VPS8: variants seen among roughly 807,000 people sequenced by gnomAD.
The protein encoded by VPS8 is VPS8 subunit of CORVET complex, also known as vacuolar protein sorting-associated protein 8 homolog.
VPS8 carries 129 observed loss-of-function variants against 216.4 expected under a neutral mutation model. That is an observed-to-expected ratio of 0.60 (90% CI 0.52 to 0.69). The LOEUF (loss-of-function observed/expected upper bound fraction) is 0.69, where lower values mean the gene tolerates loss of function less well. Ranked by LOEUF, VPS8 falls within the 30% of genes least tolerant of loss-of-function variation. The pLI, the probability that VPS8 is intolerant of heterozygous loss-of-function variation, is 0.00. For missense variants in VPS8, 1,531 were observed against 1,683.5 expected, an observed-to-expected ratio of 0.91 and a Z score of 1.59; for synonymous variants, 571 against 565.4, an observed-to-expected ratio of 1.01 and a Z score of -0.14.
At chr3:184,866,846 A>T (rs1204324179) in intron 16 of VPS8, 30 bp from the exon 17 acceptor site, 1 of 1,590,126 alleles carries the variant, frequency 6.3e-7, no homozygotes, top group Non-Finnish European at 8.5e-7. Flanking sequence ...GAATTTTTTT[A>T]CCTTTTTTGT....
Position 184,940,251 on chromosome 3 carries a change from G to A in VPS8, c.3035+8G>A. Reference sequence around the variant, plus strand: ...GAGTCTTCTTGACCCAAGGTATGTTGACAAACTTTAGTCTTTCATTATATA... The same window carrying A: ...GAGTCTTCTTGACCCAAGGTATGTTAACAAACTTTAGTCTTTCATTATATA... On this transcript the variant is annotated splice_region_variant and intron_variant, in intron 36 of 47. Coordinates refer to ENST00000625842, the MANE Select transcript of VPS8 (RefSeq NM_001009921.3). 7.3e-7 allele frequency: 1 copy of A among 1,371,490 alleles called. No homozygotes were observed. Among genetic ancestry groups the A allele is most frequent in the Non-Finnish European group, 9.6e-7 (1 of 1,037,960 alleles). 85.0% of individuals were successfully genotyped at this position (1,371,490 alleles called of 1,614,324 possible).
intron 7 of VPS8, chr3:184,840,045 C>G (rs922385095): frequency 1.6e-5 from 7 of 447,010 alleles, no homozygotes; most frequent in African/African-American, 8.4e-5. Flanking sequence ...GGGTTATCAT[C>G]TTGTCTGCCT....
intron 37 of VPS8, 90 bp downstream of exon 37, chr3:184,957,611 T>TA: frequency 7.2e-7 from 1 of 1,391,898 alleles, no homozygotes; most frequent in Non-Finnish European, 9.6e-7. Context: ...AAAAAATATA[T>TA]AATTTCTTTT....
intron 15 of VPS8, 58 bp from the exon 16 acceptor site, chr3:184,862,839 C>A: frequency 6.5e-7 from 1 of 1,547,554 alleles, no homozygotes; most frequent in South Asian, 1.2e-5. Context: ...TTCTTCTTGA[C>A]CCAAATGATG....
chr3:184,907,733 G>A (rs1735739875), intron 25 of VPS8, among the ~76,000 whole-genome samples: 1 of 152,200 alleles, frequency 6.6e-6, no homozygotes, highest in South Asian at 2.1e-4. Context: ...GTTTTTGAAA[G>A]TGGGATATTG....
Position 184,824,710 on chromosome 3 carries a change from T to G in VPS8, c.78T>G (p.Ser26=). ...CGAGCGAAGAAGAGCTGAATAAGTC[T>G]TTCAATCTAGAAGCTTCACTTTCAA... ...AKTSEEELNK[S]FNLEASLSKF... is the part of the protein sequence containing the mutation. Residue 26 remains serine, a synonymous_variant, in exon 2 of 48, where the codon TCT becomes TCG. Coordinates refer to ENST00000625842, the MANE Select transcript of VPS8 (RefSeq NM_001009921.3). The G allele has an allele frequency of 3.7e-6, 6 of 1,613,954 alleles. No individual in the cohort carries two copies. The highest frequency in any genetic ancestry group is 3.4e-6 in the Non-Finnish European group (4 of 1,179,850).
chr3:184,890,284 A>G, intron 22 of VPS8, among the ~76,000 whole-genome samples: 1 of 152,214 alleles, frequency 6.6e-6, no homozygotes, highest in East Asian at 1.9e-4. Flanking sequence ...TGCATAATAC[A>G]AACACAGTCT....
chr3:185,051,418 A>G (rs996527072), intron 47 of VPS8, among the ~76,000 whole-genome samples: 1 of 152,160 alleles, frequency 6.6e-6, no homozygotes, highest in African/African-American at 2.4e-5. Context: ...GGTCAGAGCC[A>G]GTGGTCATAA....
chr3:184,926,471 T>C (rs1292145020), intron 30 of VPS8, 123 bp from the exon 31 acceptor site: 1 of 885,222 alleles, frequency 1.1e-6, no homozygotes, highest in African/African-American at 1.7e-5. Context: ...CCTACACCTG[T>C]GGTATTTGTT....
intron 45 of VPS8, among the ~76,000 whole-genome samples, chr3:185,021,965 T>A (rs905507867): frequency 1.8e-4 from 27 of 152,252 alleles, no homozygotes; most frequent in African/African-American, 6.5e-4. Context: ...AATAATTATA[T>A]TTTGCCCTTG....
intron 35 of VPS8, among the ~76,000 whole-genome samples, chr3:184,939,929 T>A (rs1742352048): frequency 6.6e-6 from 1 of 152,120 alleles, no homozygotes; most frequent in African/African-American, 2.4e-5. Flanking sequence ...GCTCGAGGAT[T>A]TGTCTCAGTA....
At chr3:184,976,095 T>G (rs570037296) in intron 40 of VPS8, among the ~76,000 whole-genome samples, 4 of 152,296 alleles carry the variant, frequency 2.6e-5, no homozygotes, top group East Asian at 1.9e-4. Context: ...TGTATATGTT[T>G]ATAATTATTA....
At chr3:184,845,709 C>G (rs568442128) in intron 8 of VPS8, among the ~76,000 whole-genome samples, 1 of 146,226 alleles carries the variant, frequency 6.8e-6, no homozygotes, top group South Asian at 2.2e-4. Flanking sequence ...GAGCCCAGAT[C>G]GTGCCATTGC....
chr3:184,992,484 CATCTT>C (rs1752030938), intron 42 of VPS8, among the ~76,000 whole-genome samples: 1 of 151,974 alleles, frequency 6.6e-6, no homozygotes, highest in Admixed American at 6.6e-5. Flanking sequence ...ATTCAAATCC[CATCTT>C]ATCTGCTTGA....
intron 10 of VPS8, among the ~76,000 whole-genome samples, chr3:184,850,664 A>G (rs894445303): frequency 8.5e-5 from 13 of 152,236 alleles, no homozygotes; most frequent in African/African-American, 3.1e-4. Context: ...CACGCTGTCA[A>G]GCCCATGTTC....
intron 40 of VPS8, among the ~76,000 whole-genome samples, chr3:184,977,777 G>A (rs1749530351): frequency 6.7e-6 from 1 of 150,172 alleles, no homozygotes; most frequent in South Asian, 2.1e-4. Context: ...ATGGTTGTGG[G>A]TGTGGGTCAG....
In VPS8 at chr3:184,996,322, T is replaced by G; in HGVS notation, c.3667-10T>G. The G allele has an allele frequency of 6.3e-7, 1 of 1,594,212 alleles. No individual in the cohort carries two copies. Among genetic ancestry groups the G allele is most frequent in the Non-Finnish European group, 8.5e-7 (1 of 1,171,768 alleles). ...TTTGTTTGTTTGTTTTTTGTTTTGGTGTTTCATAGACCCTGCTGGAAACAA... is the reference window on the plus strand; with the variant it reads ...TTTGTTTGTTTGTTTTTTGTTTTGGGGTTTCATAGACCCTGCTGGAAACAA... On this transcript the variant is annotated splice_polypyrimidine_tract_variant and intron_variant, in intron 43 of 47. Transcript: ENST00000625842.
Position 184,919,795 on chromosome 3 carries a change from T to A in VPS8, c.2383-332T>A, listed in dbSNP as rs1442566115. On this transcript the variant is annotated intron_variant, in intron 28 of 47. Coordinates refer to ENST00000625842, the MANE Select transcript of VPS8 (RefSeq NM_001009921.3). The stretch of plus-strand genomic sequence containing the variant: ...GGCTGAACATGTAGTATTTTATCCT[T>A]CTGTTCTCAAACCTTTGCTCCCAAA... Among the ~76,000 whole-genome samples, 3 of 152,212 alleles carry A rather than the reference T, an allele frequency of 2.0e-5. No individual in the cohort carries two copies. The East Asian group carries it at 5.8e-4, about 29-fold the overall frequency.
At chr3:184,908,246 G>A (rs912206008) in intron 25 of VPS8, among the ~76,000 whole-genome samples, 3 of 152,170 alleles carry the variant, frequency 2.0e-5, no homozygotes, top group African/African-American at 4.8e-5. Context: ...GTGACAATTC[G>A]CTGAGGATGG....
Sources: gnomAD v4.1 joint callset for allele counts (sites outside exome capture counted in the v4.1 genomes callset) on GRCh38, gnomAD v4.1.1 for gene constraint, MANE v1.5 for transcripts, NCBI Gene and HGNC (gene_info 2026-07-23, HGNC 2026-07-21) for gene names.